Variants in CHIC2 observed in about 807,000 individuals in gnomAD.
CHIC2 encodes cysteine-rich hydrophobic domain-containing protein 2.
In CHIC2, 14 loss-of-function variants were observed where a neutral mutation model predicts 25.9. That is an observed-to-expected ratio of 0.54 (90% CI 0.36 to 0.85). The LOEUF (loss-of-function observed/expected upper bound fraction) is 0.85. Ranked by LOEUF, CHIC2 falls within the 40% of genes least tolerant of loss-of-function variation. The pLI is 0.01. For missense variants in CHIC2, 146 were observed against 202.0 expected (o/e 0.72, Z 1.68); for synonymous variants, 70 against 72.0 (o/e 0.97, Z 0.14).
chr4:54,030,840 C>T (rs1331563092), intron 3 of CHIC2, among the ~76,000 whole-genome samples: 1 of 149,968 alleles, frequency 6.7e-6, no homozygotes, highest in East Asian at 2.0e-4. Context: ...GCCTAAAATG[C>T]TAATTCTTAG....
intron 3 of CHIC2, among the ~76,000 whole-genome samples, chr4:54,045,604 T>C (rs1241452820): frequency 4.0e-5 from 6 of 151,892 alleles, no homozygotes; most frequent in Non-Finnish European, 8.8e-5. Flanking sequence ...CAACAACCCT[T>C]CATGCTAAAA....
At chr4:54,069,186 TC>T (rs979788619), upstream of CHIC2, among the ~76,000 whole-genome samples, 2 of 152,056 alleles carry the variant, frequency 1.3e-5, no homozygotes, top group African/African-American at 4.8e-5. Context: ...CACCACCACA[TC>T]CAGCTAATTT....
chr4:54,010,405 G>A (rs1288409726), intron 5 of CHIC2, among the ~76,000 whole-genome samples: 1 of 152,014 alleles, frequency 6.6e-6, no homozygotes, highest in Non-Finnish European at 1.5e-5. Context: ...AATCACCAAA[G>A]TCTGAGAAGG....
chr4:54,018,854 A>T (rs1354179650), intron 3 of CHIC2, among the ~76,000 whole-genome samples: 1 of 152,066 alleles, frequency 6.6e-6, no homozygotes, highest in Non-Finnish European at 1.5e-5. Flanking sequence ...AAAATGGGAA[A>T]GCAAAATTTC....
At chr4:54,069,614 A>T in the CHIC2 span, among the ~76,000 whole-genome samples, 1 of 152,180 alleles carries the variant, frequency 6.6e-6, no homozygotes, top group African/African-American at 2.4e-5. Flanking sequence ...CCTTCTGGTG[A>T]TCAGCTCTCA....
chr4:54,071,815 A>G, the CHIC2 span, among the ~76,000 whole-genome samples: 3 of 151,650 alleles, frequency 2.0e-5, no homozygotes. Flanking sequence ...TCTACTAAAA[A>G]TAAATACTAA....
intron 3 of CHIC2, among the ~76,000 whole-genome samples, chr4:54,047,349 C>T (rs900188612): frequency 6.6e-5 from 10 of 152,182 alleles, no homozygotes; most frequent in African/African-American, 1.9e-4. Context: ...CACATGCACA[C>T]GTATGGTTAT....
chr4:54,079,064 A>T, the CHIC2 span, among the ~76,000 whole-genome samples: 1 of 151,828 alleles, frequency 6.6e-6, no homozygotes, highest in Non-Finnish European at 1.5e-5. Flanking sequence ...TAAAAATATA[A>T]AAATTAGGCA....
chr4:54,048,922 T>C, intron 3 of CHIC2, 33 bp downstream of exon 3: 2 of 1,478,782 alleles, frequency 1.4e-6, no homozygotes, highest in African/African-American at 2.9e-5. Flanking sequence ...TGTCCACTTC[T>C]AAATTTAAAT....
intron 3 of CHIC2, among the ~76,000 whole-genome samples, chr4:54,039,212 A>C (rs1716490709): frequency 6.6e-6 from 1 of 152,212 alleles, no homozygotes; most frequent in South Asian, 2.1e-4. Flanking sequence ...ACAAAAGTAC[A>C]ATCTATTTTT....
At chr4:54,070,410 GTATTTATGTATT>G in the CHIC2 span, among the ~76,000 whole-genome samples, 4 of 77,834 alleles carry the variant, frequency 5.1e-5, no homozygotes, top group Non-Finnish European at 7.9e-5. Context: ...ATTTATTTAT[GTATTTATGTATT>G]TATTTATTTA....
chr4:54,042,434 A>G (rs926936646), intron 3 of CHIC2, among the ~76,000 whole-genome samples: 4 of 152,180 alleles, frequency 2.6e-5, no homozygotes, highest in African/African-American at 9.7e-5. Flanking sequence ...AGTTTAACTC[A>G]TTTACCTTTG....
intron 3 of CHIC2, 88 bp from the exon 4 acceptor site, chr4:54,014,207 G>A (rs528285174): frequency 2.0e-6 from 2 of 1,018,718 alleles, no homozygotes; most frequent in African/African-American, 1.6e-5. Context: ...AAGGGGAGAG[G>A]TATAAGACAG....
At chr4:54,088,348 C>G in the CHIC2 span, among the ~76,000 whole-genome samples, 1 of 151,858 alleles carries the variant, frequency 6.6e-6, no homozygotes, top group African/African-American at 2.4e-5. Flanking sequence ...GTGATAGAGG[C>G]AATGCATTAT....
At chr4:54,051,528 T>G (rs1177810716) in intron 1 of CHIC2, among the ~76,000 whole-genome samples, 1 of 152,116 alleles carries the variant, frequency 6.6e-6, no homozygotes, top group Non-Finnish European at 1.5e-5. Context: ...AACCAACATT[T>G]TTTTGCAAAT....
rs932553069 is a variant in CHIC2, at chr4:54,009,896, G to T, written c.*199C>A. The T allele has an allele frequency of 1.2e-5, 5 of 419,010 alleles. No homozygotes were observed. In the South Asian group the frequency reaches 1.9e-4, roughly 16 times the overall value. The allele number at this position is 419,010 out of a possible 1,614,324, so 26.0% of individuals were successfully genotyped here. On this transcript the variant is annotated 3_prime_UTR_variant, in exon 6 of 6. Coordinates refer to ENST00000263921, the MANE Select transcript of CHIC2 (RefSeq NM_012110.4). ...ACAATAACTTAAGTATTAAACATCT[G>T]TATGAAATAACTGTTGCAAAGATTG...
At chr4:54,079,517 T>A in the CHIC2 span, among the ~76,000 whole-genome samples, 2 of 151,868 alleles carry the variant, frequency 1.3e-5, no homozygotes, top group Non-Finnish European at 2.9e-5. Context: ...AAACCACGTA[T>A]CAGAGAAGGG....
chr4:54,032,432 G>A (rs2110072291), intron 3 of CHIC2, among the ~76,000 whole-genome samples: 1 of 152,090 alleles, frequency 6.6e-6, no homozygotes, highest in East Asian at 1.9e-4. Flanking sequence ...CGCCTGACTG[G>A]TTTTCGTATT....
chr4:54,017,084 T>C (rs1401799314), intron 3 of CHIC2, among the ~76,000 whole-genome samples: 1 of 152,196 alleles, frequency 6.6e-6, no homozygotes, highest in African/African-American at 2.4e-5. Context: ...AAGCACTTTA[T>C]AATTGTAGTC....
Sources: gnomAD v4.1 joint callset for allele counts (sites outside exome capture counted in the v4.1 genomes callset) on GRCh38, gnomAD v4.1.1 for gene constraint, MANE v1.5 for transcripts, NCBI Gene and HGNC (gene_info 2026-07-23, HGNC 2026-07-21) for gene names.